MACROH2A1: variants seen among roughly 807,000 people sequenced by gnomAD.
MACROH2A1 encodes the protein core histone macro-H2A.1.
In MACROH2A1, 2 loss-of-function variants were observed where a neutral mutation model predicts 31.6. The ratio of observed to expected loss-of-function variants is 0.06; its 90% CI spans 0.03 to 0.20. The LOEUF is 0.20. Among genes scored for constraint, MACROH2A1 ranks in the 10% least tolerant of loss-of-function variants. The probability of loss-of-function intolerance (pLI) is 1.00; values close to 1 mark genes in which losing one functional copy is unlikely to be tolerated. For missense variants in MACROH2A1, 230 were observed against 474.0 expected (o/e 0.49, Z 4.78); for synonymous variants, 169 against 189.6 (o/e 0.89, Z 0.89).
intron 8 of MACROH2A1, among the ~76,000 whole-genome samples, chr5:135,340,659 C>G (rs1409879563): frequency 6.6e-6 from 1 of 152,146 alleles, no homozygotes; most frequent in African/African-American, 2.4e-5. Flanking sequence ...AGAGAGTGAT[C>G]CTTTACCAAT....
At chr5:135,351,843 G>A (rs560820384) in intron 6 of MACROH2A1, among the ~76,000 whole-genome samples, 26 of 151,866 alleles carry the variant, frequency 1.7e-4, no homozygotes, top group African/African-American at 4.6e-4. Flanking sequence ...AGTTACAGGT[G>A]TGAGCCACTG....
intron 1 of MACROH2A1, among the ~76,000 whole-genome samples, chr5:135,397,433 GC>G (rs1768167420): frequency 6.6e-6 from 1 of 152,152 alleles, no homozygotes. Context: ...GTTAAATTAT[GC>G]CTCCTTCTAA....
chr5:135,369,422 C>A lies in MACROH2A1; in HGVS notation c.461G>T (p.Gly154Val), dbSNP rs778254818. Residue 154 changes from glycine (G) to valine (V), a missense_variant, in exon 4 of 9, where the codon GGG becomes GTG. By Grantham distance (109) the Gly-to-Val change is moderately radical. Transcript: ENST00000511689. This position sits in a 1 kb window ranked among gnomAD's most constrained non-coding sequence, Gnocchi z 4.3. ...ATCACATACCTTGGATTTCCGGGCCCCTTTCTTGCCTCCTGCTTTTTTAGA... is the reference window on the plus strand; with the variant it reads ...ATCACATACCTTGGATTTCCGGGCCACTTTCTTGCCTCCTGCTTTTTTAGA... ...PVSKKAGGKK[G>V]ARKSKKKQGE... 8 of 1,614,112 alleles carry A rather than the reference C, an allele frequency of 5.0e-6. No homozygotes were observed. In the South Asian group the frequency reaches 8.8e-5, roughly 18 times the overall value.
rs113152331 is a variant in MACROH2A1, at chr5:135,372,668, G to A, written c.173-2526C>T. Among the ~76,000 whole-genome samples, 932 of 152,338 alleles carry A rather than the reference G, an allele frequency of 6.1e-3. 5 individuals are homozygous for A. Among genetic ancestry groups the A allele is most frequent in the Non-Finnish European group, 7.7e-3 (525 of 68,030 alleles). ...TGTTCATGGGCGGGAGAGCACATCC[G>A]TAATGCCACTGTCCTGCCCACGGCC... On this transcript the variant is annotated intron_variant, in intron 2 of 8. Transcript: ENST00000511689.
intron 4 of MACROH2A1, among the ~76,000 whole-genome samples, chr5:135,365,958 T>A (rs1763450150): frequency 6.6e-6 from 1 of 152,224 alleles, no homozygotes; most frequent in Non-Finnish European, 1.5e-5. Flanking sequence ...TCCCCATGTG[T>A]CAAGGGTGAG....
Position 135,398,527 on chromosome 5 carries a change from C to A in MACROH2A1, c.-34+535G>T, listed in dbSNP as rs953758654. 6.6e-6 allele frequency among the ~76,000 whole-genome samples: 1 copy of A among 152,240 alleles called. No homozygotes were observed. The highest frequency in any genetic ancestry group is 6.5e-5 in the Admixed American group (1 of 15,284). ...ATCCCGCGAGTAGCCCCCGCCTTCC[C>A]CTCCCTGCAGATAGCGAGCCAGACG... is the stretch of plus-strand genomic sequence containing the variant. On this transcript the variant is annotated intron_variant, in intron 1 of 8. Transcript: ENST00000511689. The surrounding 1 kb of genome is among the most constrained non-coding windows in gnomAD (Gnocchi z 4.6).
intron 1 of MACROH2A1, among the ~76,000 whole-genome samples, chr5:135,390,619 G>A (rs1434480442): frequency 6.6e-6 from 1 of 152,154 alleles, no homozygotes; most frequent in Non-Finnish European, 1.5e-5. Flanking sequence ...TGAACCAACT[G>A]GGCAGGTCTC....
At chr5:135,354,539 T>G in intron 5 of MACROH2A1, 1 of 157,150 alleles carries the variant, frequency 6.4e-6, no homozygotes. Context: ...CACTATAGAG[T>G]GATTTAGAGG....
At chr5:135,394,659 C>A (rs1442934158) in intron 1 of MACROH2A1, among the ~76,000 whole-genome samples, 1 of 152,192 alleles carries the variant, frequency 6.6e-6, no homozygotes, top group Non-Finnish European at 1.5e-5. Context: ...ATCATGATTG[C>A]CAGTCACTCT....
chr5:135,383,444 G>T (rs754874385), intron 2 of MACROH2A1, among the ~76,000 whole-genome samples: 27 of 152,256 alleles, frequency 1.8e-4, no homozygotes, highest in Non-Finnish European at 2.8e-4. Context: ...ATGAGTTTTA[G>T]TTTCTCAATT....
In MACROH2A1 at chr5:135,335,200, C is replaced by T. The variant is rs1030694559; in HGVS notation, c.954-59G>A. Reference sequence around the variant, plus strand: ...GATGCCACGGGGGCTGCAGGACCTGCCCCACCTTACAGGCCACCTCCCTCT... The same window carrying T: ...GATGCCACGGGGGCTGCAGGACCTGTCCCACCTTACAGGCCACCTCCCTCT... On this transcript the variant is annotated intron_variant, in intron 8 of 8. Transcript: ENST00000511689. 5 of 1,336,096 alleles carry T rather than the reference C, an allele frequency of 3.7e-6. No homozygotes were observed. In the African/African-American group the frequency reaches 7.2e-5, roughly 19 times the overall value. The allele number at this position is 1,336,096 out of a possible 1,614,324, so 82.8% of individuals were successfully genotyped here. A position where few individuals can be genotyped will look rare whatever the true frequency, so the allele number is the denominator to read the frequency against.
At chr5:135,371,327 A>C (rs1193830062) in intron 2 of MACROH2A1, among the ~76,000 whole-genome samples, 2 of 152,260 alleles carry the variant, frequency 1.3e-5, no homozygotes, top group Non-Finnish European at 2.9e-5. Context: ...AATTGCTAAA[A>C]TAATAGATTT....
In MACROH2A1 at chr5:135,397,653, CAG is replaced by C. The variant is rs1445932435; in HGVS notation, c.-34+1407_-34+1408del. The stretch of plus-strand genomic sequence containing the variant: ...AGTTTGAAAACATACTCATCCTCAT[CAG>C]AGAGTCTCTTGTGCAAGACTGAGAT... On this transcript the variant is annotated intron_variant, in intron 1 of 8. Transcript: ENST00000511689. 3.9e-5 allele frequency among the ~76,000 whole-genome samples: 6 copies of C among 152,336 alleles called. No individual in the cohort carries two copies. In the East Asian group the frequency reaches 7.7e-4, roughly 20 times the overall value.
chr5:135,364,427 A>T (rs1010856553), intron 4 of MACROH2A1, among the ~76,000 whole-genome samples: 9 of 151,890 alleles, frequency 5.9e-5, no homozygotes, highest in African/African-American at 2.2e-4. Flanking sequence ...AAGTATAATA[A>T]AAAAAAATGC....
intron 4 of MACROH2A1, among the ~76,000 whole-genome samples, chr5:135,366,980 A>T (rs982127952): frequency 6.6e-6 from 1 of 152,170 alleles, no homozygotes; most frequent in Non-Finnish European, 1.5e-5. Context: ...AACCATTTCC[A>T]CTACAGCTGA....
At chr5:135,387,708 C>A (rs1002269474) in intron 2 of MACROH2A1, among the ~76,000 whole-genome samples, 2 of 152,174 alleles carry the variant, frequency 1.3e-5, no homozygotes, top group African/African-American at 4.8e-5. Flanking sequence ...TGAGGCCTGG[C>A]TTTCTCATCA....
chr5:135,340,947 T>C (rs570936851), intron 8 of MACROH2A1, among the ~76,000 whole-genome samples: 13 of 152,196 alleles, frequency 8.5e-5, no homozygotes, highest in Non-Finnish European at 1.8e-4. Flanking sequence ...AGCTTTCAAT[T>C]GATTATTTTT....
intron 7 of MACROH2A1, chr5:135,344,640 G>A (rs1410379202): frequency 6.6e-6 from 1 of 152,178 alleles, no homozygotes; most frequent in Non-Finnish European, 1.5e-5. Context: ...CATAGAAAAC[G>A]ACTGGAAAGA....
intron 6 of MACROH2A1, chr5:135,350,836 G>A (rs778175239): frequency 3.7e-6 from 6 of 1,609,792 alleles, no homozygotes; most frequent in African/African-American, 1.3e-5. Context: ...CTTCACCACC[G>A]ATGTAGAAGT....
Sources: gnomAD v4.1 joint callset for allele counts (sites outside exome capture counted in the v4.1 genomes callset) on GRCh38, gnomAD v4.1.1 for gene constraint, Gnocchi (gnomAD v3.1) non-coding constraint, MANE v1.5 for transcripts, NCBI Gene and HGNC (gene_info 2026-07-23, HGNC 2026-07-21) for gene names.